FARS2: variants seen among roughly 807,000 people sequenced by gnomAD.
FARS2 encodes the protein phenylalanyl-tRNA synthetase 2, mitochondrial.
In FARS2, 40 loss-of-function variants were observed where a neutral mutation model predicts 46.4. That is an observed-to-expected ratio of 0.86 (90% CI 0.67 to 1.12). The LOEUF (loss-of-function observed/expected upper bound fraction) is 1.12, where lower values mean the gene tolerates loss of function less well. Among genes scored for constraint, FARS2 ranks in the 50% most tolerant of loss-of-function variants. The pLI is 0.00. For missense variants in FARS2, 513 were observed against 567.9 expected (o/e 0.90, Z 0.98); for synonymous variants, 234 against 214.9 (o/e 1.09, Z -0.78).
chr6:5,261,897 A>C, intron 1 of FARS2, among the ~76,000 whole-genome samples: 1 of 152,232 alleles, frequency 6.6e-6, no homozygotes, highest in East Asian at 1.9e-4. Flanking sequence ...GCAAGTTTTC[A>C]ACCATGGCTT....
At chr6:5,746,761 G>C (rs1057084212) in intron 6 of FARS2, among the ~76,000 whole-genome samples, 1 of 152,138 alleles carries the variant, frequency 6.6e-6, no homozygotes, top group African/African-American at 2.4e-5. Flanking sequence ...ATAGTGATCA[G>C]TATCAATATC....
chr6:5,754,872 T>C (rs1376639689), intron 6 of FARS2, among the ~76,000 whole-genome samples: 6 of 152,200 alleles, frequency 3.9e-5, no homozygotes, highest in Non-Finnish European at 1.5e-5. Flanking sequence ...ATGTGACTAA[T>C]ACAGTTTTTT....
At chr6:5,392,956 A>G (rs1760663819) in intron 2 of FARS2, among the ~76,000 whole-genome samples, 1 of 117,576 alleles carries the variant, frequency 8.5e-6, no homozygotes, top group South Asian at 2.7e-4. Context: ...ATATATACAC[A>G]TAAAATATAT....
At chr6:5,651,815 T>G (rs982579597) in intron 6 of FARS2, among the ~76,000 whole-genome samples, 10 of 152,190 alleles carry the variant, frequency 6.6e-5, no homozygotes, top group African/African-American at 2.4e-4. Flanking sequence ...ACTCAGTGCT[T>G]AATCATTAGT....
At chr6:5,425,696 T>G (rs1308402011) in intron 3 of FARS2, among the ~76,000 whole-genome samples, 1 of 152,206 alleles carries the variant, frequency 6.6e-6, no homozygotes, top group Non-Finnish European at 1.5e-5. Context: ...CCATTTGGGC[T>G]CATGTCACTG....
intron 6 of FARS2, among the ~76,000 whole-genome samples, chr6:5,742,884 A>G (rs1465799484): frequency 6.6e-6 from 1 of 152,006 alleles, no homozygotes; most frequent in African/African-American, 2.4e-5. Flanking sequence ...CAGCCCTGCC[A>G]GGAAATGGGT....
intron 4 of FARS2, among the ~76,000 whole-genome samples, chr6:5,444,506 G>A (rs771058296): frequency 0.036 from 4,808 of 134,576 alleles, 190 homozygotes; most frequent in African/African-American, 0.068. Context: ...GAGAGAGAGA[G>A]AGAGAGAGGA....
chr6:5,645,966 C>T (rs926732375), intron 6 of FARS2, among the ~76,000 whole-genome samples: 4 of 152,222 alleles, frequency 2.6e-5, no homozygotes, highest in African/African-American at 4.8e-5. Flanking sequence ...CTTAGTTTAA[C>T]GGAGGTAGGG....
At chr6:5,444,483 AAAAAAAAAAAG>A (rs1199252620) in intron 4 of FARS2, among the ~76,000 whole-genome samples, 3 of 93,150 alleles carry the variant, frequency 3.2e-5, no homozygotes, top group East Asian at 6.4e-4. Context: ...AAAAAAAAAA[AAAAAAAAAAAG>A]AGAGAGAGAG....
intron 1 of FARS2, among the ~76,000 whole-genome samples, chr6:5,304,372 T>A (rs1768544266): frequency 6.6e-6 from 1 of 152,250 alleles, no homozygotes; most frequent in African/African-American, 2.4e-5. Flanking sequence ...TCCAACTTTT[T>A]ACAGTTACTA....
chr6:5,452,526 C>T (rs79356334), intron 4 of FARS2: 1 of 152,234 alleles, frequency 6.6e-6, no homozygotes, highest in Non-Finnish European at 1.5e-5. Context: ...ATTTTTCAAA[C>T]CATGCCATGG....
At chr6:5,459,398 A>G (rs1220236496) in intron 4 of FARS2, among the ~76,000 whole-genome samples, 1 of 151,168 alleles carries the variant, frequency 6.6e-6, no homozygotes, top group Non-Finnish European at 1.5e-5. Context: ...TGACCCTAGT[A>G]TACTGGGATG....
chr6:5,500,156 C>T (rs977364399), intron 4 of FARS2, among the ~76,000 whole-genome samples: 1 of 152,194 alleles, frequency 6.6e-6, no homozygotes, highest in Admixed American at 6.5e-5. Context: ...TGATCCTGTT[C>T]TCTATTATTT....
intron 6 of FARS2, among the ~76,000 whole-genome samples, chr6:5,697,371 T>C (rs986719038): frequency 1.3e-5 from 2 of 152,194 alleles, no homozygotes; most frequent in Non-Finnish European, 2.9e-5. Context: ...TGAAAAACGC[T>C]CAGATTTCCA....
chr6:5,663,362 A>T (rs1163075291), intron 6 of FARS2, among the ~76,000 whole-genome samples: 55 of 152,300 alleles, frequency 3.6e-4, no homozygotes, highest in Non-Finnish European at 2.2e-4. Flanking sequence ...TTTCAAAAAA[A>T]TTCTTCCCAA....
Position 5,731,045 on chromosome 6 carries a change from G to A in FARS2, c.1218-40246G>A, listed in dbSNP as rs1760586905. Among the ~76,000 whole-genome samples the A allele has an allele frequency of 2.0e-5, 3 of 152,132 alleles. No individual in the cohort carries two copies. The South Asian group carries it at 6.2e-4, about 32-fold the overall frequency. On this transcript the variant is annotated intron_variant, in intron 6 of 6. Coordinates refer to ENST00000274680, the MANE Select transcript of FARS2 (RefSeq NM_006567.5). ...CTCATTTGTCTGGAGAAAACACTGAGACCTGGAGCATGTGTGTACATGCTC... is the reference window on the plus strand; with the variant it reads ...CTCATTTGTCTGGAGAAAACACTGAAACCTGGAGCATGTGTGTACATGCTC...
At chr6:5,481,747 G>A (rs978448926) in intron 4 of FARS2, among the ~76,000 whole-genome samples, 26 of 151,952 alleles carry the variant, frequency 1.7e-4, no homozygotes, top group Admixed American at 5.2e-4. Flanking sequence ...TGGGAATTTG[G>A]GGTGTCAGCA....
intron 1 of FARS2, among the ~76,000 whole-genome samples, chr6:5,335,444 A>G (rs955192458): frequency 6.6e-6 from 1 of 152,182 alleles, no homozygotes; most frequent in Non-Finnish European, 1.5e-5. Flanking sequence ...TCATCTTGGT[A>G]TCTTGCACTT....
chr6:5,413,299 T>A (rs1399439994), intron 3 of FARS2, among the ~76,000 whole-genome samples: 1 of 152,166 alleles, frequency 6.6e-6, no homozygotes, highest in Non-Finnish European at 1.5e-5. Context: ...TGAAATTGTT[T>A]GGGGTTTTAT....
Sources: allele counts gnomAD v4.1 joint callset (sites outside exome capture counted in the v4.1 genomes callset), GRCh38; gene constraint gnomAD v4.1.1; transcripts MANE v1.5; gene names NCBI Gene and HGNC (gene_info 2026-07-23, HGNC 2026-07-21).